UBN2: variants seen among roughly 807,000 people sequenced by gnomAD.
UBN2 encodes ubinuclein 2.
Under a neutral mutation model 120.2 loss-of-function variants are expected in UBN2, and 35 were observed. That is an observed-to-expected ratio of 0.29 (90% CI 0.22 to 0.39). UBN2 has a LOEUF of 0.39. UBN2 is among the 10% of genes least tolerant of loss of function. UBN2 has a pLI of 1.00. For missense variants in UBN2, 1,693 were observed against 1,663.2 expected (o/e 1.02, Z -0.31); for synonymous variants, 661 against 648.7 (o/e 1.02, Z -0.29).
intron 3 of UBN2, among the ~76,000 whole-genome samples, chr7:139,255,656 A>G (rs1023337819): frequency 6.6e-6 from 1 of 152,198 alleles, no homozygotes. Flanking sequence ...GATAATTCAG[A>G]CATAAAACAA....
At chr7:139,285,165 G>A (rs1272157176) in intron 15 of UBN2, among the ~76,000 whole-genome samples, 1 of 151,934 alleles carries the variant, frequency 6.6e-6, no homozygotes, top group African/African-American at 2.4e-5. Context: ...TGAATTTTTA[G>A]TTTAAACTTA....
chr7:139,269,891 C>T (rs1797214339), intron 8 of UBN2, among the ~76,000 whole-genome samples: 1 of 152,036 alleles, frequency 6.6e-6, no homozygotes. Flanking sequence ...TCACTGCAGC[C>T]TTAACCTCCT....
intron 2 of UBN2, among the ~76,000 whole-genome samples, chr7:139,242,693 C>A (rs1227302936): frequency 2.6e-5 from 4 of 152,130 alleles, no homozygotes; most frequent in Non-Finnish European, 5.9e-5. Flanking sequence ...TGAATAAATT[C>A]TCTTCAGCCT....
intron 15 of UBN2, among the ~76,000 whole-genome samples, chr7:139,290,205 A>T (rs145448075): frequency 0.082 from 12,495 of 152,262 alleles, 902 homozygotes; most frequent in Admixed American, 0.21. Context: ...AAGTGCTGGG[A>T]TTACAGGCAT....
chr7:139,248,340 G>A (rs188815432), intron 2 of UBN2, among the ~76,000 whole-genome samples: 1 of 152,252 alleles, frequency 6.6e-6, no homozygotes, highest in Non-Finnish European at 1.5e-5. Context: ...TCTCATGGCA[G>A]ATGCTTTCAG....
At position 139,259,365 on chromosome 7, in the gene UBN2, A is replaced by G. The variant is rs1212699016; in HGVS notation, c.900A>G (p.Gln300=). Residue 300 remains glutamine (Q), a synonymous_variant, in exon 5 of 18, where the codon CAA becomes CAG. Coordinates refer to ENST00000473989, the MANE Select transcript of UBN2 (RefSeq NM_173569.4). ...AGCCAAGGAAAAAAGTTCCCAAACA[A>G]CTGGGGTACGTTAAATTAAACCTAA... ...EKKPRKKVPK[Q]LGVVALNSHK... 2 of 1,613,698 alleles carry G rather than the reference A, an allele frequency of 1.2e-6. No individual in the cohort carries two copies. Among genetic ancestry groups the G allele is most frequent in the East Asian group, 2.2e-5 (1 of 44,858 alleles).
downstream of UBN2, among the ~76,000 whole-genome samples, chr7:139,310,278 C>T (rs888384838): frequency 2.0e-5 from 3 of 150,946 alleles, no homozygotes; most frequent in Non-Finnish European, 4.4e-5. Context: ...AGTAATCTAT[C>T]CTGGGCAACA....
In UBN2 at chr7:139,270,901, C is replaced by A. The variant is rs994103254; in HGVS notation, c.1596+1378C>A. Among the ~76,000 whole-genome samples, 4 of 152,150 alleles carry A rather than the reference C, an allele frequency of 2.6e-5. No individual in the cohort carries two copies. In the South Asian group the frequency reaches 8.3e-4, roughly 32 times the overall value. On this transcript the variant is annotated intron_variant, in intron 8 of 17. Transcript: ENST00000473989. ...CTGGGATTACAGGCATGTGCCACCA[C>A]GCCCAGATAATTTTGTATTTTTAGT... is the stretch of plus-strand genomic sequence containing the variant.
At chr7:139,240,435 T>C (rs1796286569) in intron 2 of UBN2, among the ~76,000 whole-genome samples, 1 of 53,404 alleles carries the variant, frequency 1.9e-5, no homozygotes, top group South Asian at 7.8e-4. Context: ...CCTAAATATA[T>C]ATATATATAT....
At chr7:139,297,484 C>G (rs1015788562) in intron 17 of UBN2, among the ~76,000 whole-genome samples, 2 of 152,066 alleles carry the variant, frequency 1.3e-5, no homozygotes, top group Middle Eastern at 3.4e-3. Flanking sequence ...CCTTTATAAC[C>G]CTCTCACAGC....
At chr7:139,249,771 AC>A (rs1796570569) in intron 2 of UBN2, among the ~76,000 whole-genome samples, 1 of 151,764 alleles carries the variant, frequency 6.6e-6, no homozygotes, top group South Asian at 2.1e-4. Flanking sequence ...AGTGGCATGA[AC>A]TTGGCTCACT....
chr7:139,244,496 A>AC (rs1796409232), intron 2 of UBN2, among the ~76,000 whole-genome samples: 1 of 151,944 alleles, frequency 6.6e-6, no homozygotes, highest in Admixed American at 6.6e-5. Context: ...ACATAGCAAG[A>AC]CCCCATCTCT....
At chr7:139,293,556 G>T in intron 16 of UBN2, 93 bp downstream of exon 16, 139 of 887,442 alleles carry the variant, frequency 1.6e-4, no homozygotes, top group Middle Eastern at 2.9e-4. Flanking sequence ...TCCAGTTGGA[G>T]TTAATGAAGA....
chr7:139,257,208 G>A (rs1796787269), intron 3 of UBN2, among the ~76,000 whole-genome samples: 1 of 152,122 alleles, frequency 6.6e-6, no homozygotes, highest in African/African-American at 2.4e-5. Context: ...ATCAGGTGAG[G>A]TAATGATAAA....
At chr7:139,249,833 G>C (rs1329880011) in intron 2 of UBN2, among the ~76,000 whole-genome samples, 1 of 151,832 alleles carries the variant, frequency 6.6e-6, no homozygotes, top group Middle Eastern at 3.2e-3. Context: ...AAGTAGCAAG[G>C]ACCACAGGCA....
the UBN2 span, chr7:139,315,400 T>C: frequency 3.9e-5 from 6 of 152,386 alleles, no homozygotes; most frequent in Non-Finnish European, 7.3e-5. Context: ...AGCACTGATA[T>C]AATGTTCTTT....
intron 1 of UBN2, among the ~76,000 whole-genome samples, chr7:139,234,326 A>G (rs918694592): frequency 6.6e-6 from 1 of 152,184 alleles, no homozygotes; most frequent in Admixed American, 6.5e-5. Context: ...TGTGTTACAT[A>G]TGGATACCAT....
At chr7:139,288,385 GA>G (rs772235905) in intron 15 of UBN2, among the ~76,000 whole-genome samples, 23 of 152,132 alleles carry the variant, frequency 1.5e-4, no homozygotes, top group Non-Finnish European at 3.4e-4. Context: ...GTGTAGAGAA[GA>G]GGGGGAAAAT....
rs200206832 is a variant in UBN2, at chr7:139,287,034, TAAA to T, written c.3669+2463_3669+2465del. The stretch of plus-strand genomic sequence containing the variant: ...TTTACTTTCATCAGAAATAAAATAA[TAAA>T]AACATTGATACTAGGGATTATATGT... On this transcript the variant is annotated intron_variant, in intron 15 of 17. Transcript: ENST00000473989. Among the ~76,000 whole-genome samples the T allele has an allele frequency of 6.1e-3, 930 of 152,162 alleles. 6 individuals are homozygous for T. Among genetic ancestry groups the T allele is most frequent in the African/African-American group, 0.021 (853 of 41,522 alleles).
Sources: gnomAD v4.1 joint callset for allele counts (sites outside exome capture counted in the v4.1 genomes callset) on GRCh38, gnomAD v4.1.1 for gene constraint, MANE v1.5 for transcripts, NCBI Gene and HGNC (gene_info 2026-07-23, HGNC 2026-07-21) for gene names.